MTCL3: variants seen among roughly 807,000 people sequenced by gnomAD.
MTCL3 encodes MTCL family member 3.
At chr6:127,485,443 C>T in the MTCL3 span, among the ~76,000 whole-genome samples, 3 of 152,066 alleles carry the variant, frequency 2.0e-5, no homozygotes, top group African/African-American at 7.2e-5. Flanking sequence ...TTATCTTATT[C>T]AGGTCAAATT....
At chr6:127,474,593 T>G in the MTCL3 span, among the ~76,000 whole-genome samples, 1 of 152,094 alleles carries the variant, frequency 6.6e-6, no homozygotes, top group African/African-American at 2.4e-5. Flanking sequence ...TTCTTTCTTT[T>G]TTTTGAGACA....
the MTCL3 span, among the ~76,000 whole-genome samples, chr6:127,495,605 G>A: frequency 6.6e-6 from 1 of 152,142 alleles, no homozygotes; most frequent in African/African-American, 2.4e-5. Context: ...TAAGGGGTGG[G>A]CATTACATGA....
chr6:127,475,251 C>T, the MTCL3 span: 1 of 1,540,500 alleles, frequency 6.5e-7, no homozygotes, highest in Non-Finnish European at 8.8e-7. This position sits in a 1 kb window ranked among gnomAD's most constrained non-coding sequence, Gnocchi z 7.3. Context: ...CTCCACGGGC[C>T]AGCCTGGCCA....
the MTCL3 span, among the ~76,000 whole-genome samples, chr6:127,518,374 C>T: frequency 6.6e-6 from 1 of 152,256 alleles, no homozygotes; most frequent in Admixed American, 6.5e-5. Context: ...TAACTGGGCT[C>T]CACAATCAAA....
the MTCL3 span, chr6:127,515,010 A>G: frequency 6.2e-7 from 1 of 1,613,872 alleles, no homozygotes; most frequent in South Asian, 1.1e-5. This position sits in a 1 kb window ranked among gnomAD's most constrained non-coding sequence, Gnocchi z 4.3. Context: ...AGTGTCCCTC[A>G]TCTCGTCCAT....
chr6:127,496,885 A>G, the MTCL3 span, among the ~76,000 whole-genome samples: 1 of 152,224 alleles, frequency 6.6e-6, no homozygotes, highest in Non-Finnish European at 1.5e-5. Context: ...AACTTGAAAA[A>G]CACTATGTTA....
the MTCL3 span, chr6:127,516,261 G>C: frequency 6.8e-7 from 1 of 1,472,948 alleles, no homozygotes; most frequent in South Asian, 1.4e-5. Flanking sequence ...CCACAGGCTG[G>C]ACAGCTCCCG....
At chr6:127,489,936 T>G in the MTCL3 span, among the ~76,000 whole-genome samples, 1 of 152,226 alleles carries the variant, frequency 6.6e-6, no homozygotes, top group African/African-American at 2.4e-5. Flanking sequence ...TCAATGTAGA[T>G]AAAACAGCCT....
chr6:127,512,851 TA>T, the MTCL3 span: 1 of 1,552,636 alleles, frequency 6.4e-7, no homozygotes, highest in Non-Finnish European at 8.7e-7. Context: ...TTTAAAGGGC[TA>T]AAAATACATA....
At chr6:127,500,233 A>G in the MTCL3 span, among the ~76,000 whole-genome samples, 1 of 152,242 alleles carries the variant, frequency 6.6e-6, no homozygotes, top group Non-Finnish European at 1.5e-5. Context: ...CAAAGGAATA[A>G]AAGTCAGACT....
the MTCL3 span, among the ~76,000 whole-genome samples, chr6:127,473,909 T>C: frequency 2.6e-5 from 4 of 152,320 alleles, no homozygotes; most frequent in Non-Finnish European, 5.9e-5. Context: ...ACAAAATGCA[T>C]TGGTCTTTAA....
chr6:127,481,288 A>C, the MTCL3 span: 3 of 985,006 alleles, frequency 3.0e-6, no homozygotes, highest in Non-Finnish European at 3.6e-6. Context: ...AATGATTCAC[A>C]ACAAAATATT....
chr6:127,518,116 G>A, the MTCL3 span, among the ~76,000 whole-genome samples: 1 of 152,150 alleles, frequency 6.6e-6, no homozygotes, highest in East Asian at 1.9e-4. Context: ...GGTGAACAAA[G>A]AAGACATCGG....
the MTCL3 span, among the ~76,000 whole-genome samples, chr6:127,491,371 C>A: frequency 5.3e-5 from 8 of 152,206 alleles, no homozygotes; most frequent in African/African-American, 1.7e-4. Flanking sequence ...TGGCAACCAC[C>A]ACCCTGATCA....
chr6:127,476,847 A>AT, the MTCL3 span, among the ~76,000 whole-genome samples: 1 of 152,264 alleles, frequency 6.6e-6, no homozygotes, highest in African/African-American at 2.4e-5. This position sits in a 1 kb window ranked among gnomAD's most constrained non-coding sequence, Gnocchi z 4.4. Context: ...GTTCATATGC[A>AT]TTTGCGGCCA....
At chr6:127,510,735 G>A in the MTCL3 span, among the ~76,000 whole-genome samples, 2 of 152,204 alleles carry the variant, frequency 1.3e-5, no homozygotes. Context: ...TATGAATAGG[G>A]AATGGCGCCT....
At chr6:127,513,608 A>AT in the MTCL3 span, among the ~76,000 whole-genome samples, 4 of 152,130 alleles carry the variant, frequency 2.6e-5, no homozygotes, top group Admixed American at 6.5e-5. Context: ...TGAGATTATT[A>AT]TTTTTTGAAT....
At chr6:127,492,574 G>A in the MTCL3 span, among the ~76,000 whole-genome samples, 1 of 152,144 alleles carries the variant, frequency 6.6e-6, no homozygotes, top group Non-Finnish European at 1.5e-5. Flanking sequence ...AGGCTGGAGT[G>A]CAGTGGCCCG....
chr6:127,474,486 C>T, the MTCL3 span, among the ~76,000 whole-genome samples: 9 of 152,098 alleles, frequency 5.9e-5, no homozygotes, highest in African/African-American at 2.2e-4. Flanking sequence ...CCATGTTGGC[C>T]AGGCTGATCT....
Sources: allele counts gnomAD v4.1 joint callset (sites outside exome capture counted in the v4.1 genomes callset), GRCh38; gene constraint gnomAD v4.1.1; non-coding constraint Gnocchi (gnomAD v3.1); transcripts MANE v1.5; gene names NCBI Gene and HGNC (gene_info 2026-07-23, HGNC 2026-07-21).